TBC1D15: variants seen among roughly 807,000 people sequenced by gnomAD.
TBC1D15 encodes the protein TBC1 domain family member 15.
A neutral mutation model predicts 95.4 loss-of-function variants in TBC1D15; 39 were observed. The ratio of observed to expected loss-of-function variants is 0.41; its 90% confidence interval spans 0.32 to 0.53. TBC1D15 has a LOEUF of 0.53. TBC1D15 is among the 20% of genes least tolerant of loss of function. TBC1D15 has a pLI of 0.29. For synonymous variants in TBC1D15, 258 were observed against 261.3 expected (o/e 0.99, Z 0.12); for missense variants, 733 against 794.3 (o/e 0.92, Z 0.93).
chr12:71,892,035 G>A (rs1017965195), intron 5 of TBC1D15, among the ~76,000 whole-genome samples: 13 of 152,090 alleles, frequency 8.5e-5, no homozygotes, highest in African/African-American at 3.1e-4. Context: ...TTTCTTTTCT[G>A]ATGCTACATT....
At chr12:71,849,485 C>T in intron 1 of TBC1D15, 1 of 830,062 alleles carries the variant, frequency 1.2e-6, no homozygotes, top group Non-Finnish European at 2.1e-6. Flanking sequence ...AAGCAACTTC[C>T]ATTACTCCAA....
intron 1 of TBC1D15, among the ~76,000 whole-genome samples, chr12:71,869,923 C>T (rs1892309221): frequency 6.6e-6 from 1 of 152,158 alleles, no homozygotes; most frequent in Non-Finnish European, 1.5e-5. Context: ...AAGTCAGAGG[C>T]ATTAACATAG....
intron 3 of TBC1D15, among the ~76,000 whole-genome samples, chr12:71,875,452 T>TAC (rs1893592819): frequency 6.6e-6 from 1 of 152,160 alleles, no homozygotes; most frequent in Admixed American, 6.5e-5. Flanking sequence ...AGGAAACCAG[T>TAC]ACCTAACTCA....
At chr12:71,900,614 G>A (rs1899171079) in intron 10 of TBC1D15, among the ~76,000 whole-genome samples, 1 of 152,004 alleles carries the variant, frequency 6.6e-6, no homozygotes, top group Non-Finnish European at 1.5e-5. Flanking sequence ...TATGTACTAG[G>A]CTCTCCTCTA....
chr12:71,842,582 G>C (rs927706341), intron 1 of TBC1D15, among the ~76,000 whole-genome samples: 1 of 152,116 alleles, frequency 6.6e-6, no homozygotes, highest in Non-Finnish European at 1.5e-5. Context: ...TGTAATCCCA[G>C]CACTTTGGGA....
intron 1 of TBC1D15, among the ~76,000 whole-genome samples, chr12:71,857,911 T>G (rs183128568): frequency 6.6e-6 from 1 of 152,342 alleles, no homozygotes; most frequent in African/African-American, 2.4e-5. Flanking sequence ...GCCAACTGTT[T>G]TAGCTTCCAC....
At chr12:71,844,022 A>G (rs771477118) in intron 1 of TBC1D15, among the ~76,000 whole-genome samples, 14 of 151,842 alleles carry the variant, frequency 9.2e-5, no homozygotes, top group Non-Finnish European at 2.1e-4. Flanking sequence ...AAATAACCTC[A>G]TCTACACAGT....
chr12:71,906,546 C>T (rs745675020), intron 10 of TBC1D15, among the ~76,000 whole-genome samples: 2 of 151,228 alleles, frequency 1.3e-5, no homozygotes, highest in Non-Finnish European at 2.9e-5. Flanking sequence ...TGAGACATGA[C>T]AAAGAATTTG....
chr12:71,905,145 A>G (rs1273534035), intron 10 of TBC1D15, among the ~76,000 whole-genome samples: 1 of 152,212 alleles, frequency 6.6e-6, no homozygotes, highest in African/African-American at 2.4e-5. Flanking sequence ...TCACTATTAA[A>G]TATTTTTACA....
At chr12:71,893,784 TTAA>T (rs1185989975) in intron 6 of TBC1D15, among the ~76,000 whole-genome samples, 1 of 151,984 alleles carries the variant, frequency 6.6e-6, no homozygotes, top group Admixed American at 6.6e-5. Context: ...AAATGTGCAC[TTAA>T]TAATAGGCAG....
chr12:71,851,463 C>T (rs542022167), intron 1 of TBC1D15, among the ~76,000 whole-genome samples: 1 of 152,304 alleles, frequency 6.6e-6, no homozygotes, highest in African/African-American at 2.4e-5. Flanking sequence ...CCAGTAGTCC[C>T]TCAAAGTCTT....
rs548461714 is a variant in TBC1D15 at position 71,871,573 on chromosome 12, A to G, written c.31-497A>G. 2.6e-5 allele frequency among the ~76,000 whole-genome samples: 4 copies of G among 152,274 alleles called. No individual in the cohort carries two copies. In the East Asian group the frequency reaches 5.8e-4, roughly 22 times the overall value. On this transcript the variant is annotated intron_variant, in intron 1 of 16. Coordinates refer to ENST00000485960, the MANE Select transcript of TBC1D15 (RefSeq NM_001146213.3). Reference sequence around the variant, plus strand: ...TATTTTCCTTAATGCTCATGAAAAAAAAATACTTATTTTTTTGATTTTTTA... The same window carrying G: ...TATTTTCCTTAATGCTCATGAAAAAGAAATACTTATTTTTTTGATTTTTTA...
chr12:71,849,368 A>T (rs912639301), intron 1 of TBC1D15: 9 of 1,392,110 alleles, frequency 6.5e-6, no homozygotes, highest in African/African-American at 1.4e-5. Context: ...TGTCCAAGGA[A>T]TGAAAGCAGG....
intron 1 of TBC1D15, among the ~76,000 whole-genome samples, chr12:71,851,131 TTACA>T (rs1188772762): frequency 6.6e-6 from 1 of 151,934 alleles, no homozygotes; most frequent in East Asian, 1.9e-4. Context: ...CTCAGGAAAC[TTACA>T]TTCATGGTGG....
intron 8 of TBC1D15, 77 bp downstream of exon 8, chr12:71,896,152 T>C (rs1458109289): frequency 1.5e-6 from 2 of 1,376,494 alleles, no homozygotes; most frequent in Non-Finnish European, 1.9e-6. Context: ...GTTACTGTTT[T>C]GGTGTGTTTT....
At chr12:71,886,520 C>A (rs1896264389) in intron 5 of TBC1D15, among the ~76,000 whole-genome samples, 3 of 152,166 alleles carry the variant, frequency 2.0e-5, no homozygotes, top group Non-Finnish European at 2.9e-5. Context: ...TAACACCTTG[C>A]CCAAATTTAG....
intron 3 of TBC1D15, 137 bp from the exon 4 acceptor site, chr12:71,880,332 G>A: frequency 1.8e-6 from 1 of 552,726 alleles, no homozygotes; most frequent in Non-Finnish European, 3.0e-6. Context: ...AGAGAGAAAA[G>A]TATAGGAAAT....
chr12:71,862,150 C>A (rs1890523273), intron 1 of TBC1D15, among the ~76,000 whole-genome samples: 1 of 152,062 alleles, frequency 6.6e-6, no homozygotes, highest in Admixed American at 6.5e-5. Context: ...GTGTATTATG[C>A]AGCTGTTGGA....
chr12:71,855,782 T>C (rs942224292), intron 1 of TBC1D15, among the ~76,000 whole-genome samples: 3 of 152,040 alleles, frequency 2.0e-5, no homozygotes, highest in African/African-American at 7.2e-5. Flanking sequence ...ATAATCACTT[T>C]CTTGCATTTC....
Sources: allele counts gnomAD v4.1 joint callset (sites outside exome capture counted in the v4.1 genomes callset), GRCh38; gene constraint gnomAD v4.1.1; transcripts MANE v1.5; gene names NCBI Gene and HGNC (gene_info 2026-07-23, HGNC 2026-07-21).